The following ACSF2 variants were observed in gnomAD, a reference collection of about 807,000 sequenced individuals.
ACSF2 encodes medium-chain acyl-CoA ligase ACSF2, mitochondrial.
Under a neutral mutation model 79.3 loss-of-function variants are expected in ACSF2, and 52 were observed. That is an observed-to-expected ratio of 0.66 (90% CI 0.53 to 0.83). The LOEUF (loss-of-function observed/expected upper bound fraction) is 0.83. Among genes scored for constraint, ACSF2 ranks in the 40% least tolerant of loss-of-function variants. The pLI, the probability that ACSF2 is intolerant of heterozygous loss-of-function variation, is 0.00. For synonymous variants in ACSF2, 283 were observed against 312.6 expected (o/e 0.91, Z 1.00); for missense variants, 661 against 803.3 (o/e 0.82, Z 2.14).
intron 2 of ACSF2, 103 bp downstream of exon 2, chr17:50,460,975 G>C (rs1436718947): frequency 2.2e-6 from 3 of 1,363,626 alleles, no homozygotes; most frequent in Non-Finnish European, 3.0e-6. Flanking sequence ...GGGGCAATGT[G>C]CTAGGGCTGC....
At chr17:50,452,350 G>A (rs1054071346) in intron 1 of ACSF2, among the ~76,000 whole-genome samples, 2 of 152,126 alleles carry the variant, frequency 1.3e-5, no homozygotes, top group Non-Finnish European at 2.9e-5. Flanking sequence ...GGGGCACCGT[G>A]GCTCATACCT....
At chr17:50,433,299 G>A (rs1452459434) in intron 1 of ACSF2, among the ~76,000 whole-genome samples, 1 of 151,860 alleles carries the variant, frequency 6.6e-6, no homozygotes, top group Non-Finnish European at 1.5e-5. Context: ...TGGAGATGGG[G>A]TTTCACTATG....
chr17:50,468,058 G>T (rs1457219668), intron 10 of ACSF2: 1 of 1,597,978 alleles, frequency 6.3e-7, no homozygotes, highest in East Asian at 2.2e-5. Context: ...GGTTGGTGTT[G>T]TCCAGCCAGA....
intron 1 of ACSF2, among the ~76,000 whole-genome samples, chr17:50,453,045 A>T (rs1192097217): frequency 6.6e-6 from 1 of 151,960 alleles, no homozygotes; most frequent in Non-Finnish European, 1.5e-5. Flanking sequence ...CCCAGATCTG[A>T]GGGTGGGGCA....
At chr17:50,441,350 T>C (rs1012290400) in intron 1 of ACSF2, among the ~76,000 whole-genome samples, 2 of 152,156 alleles carry the variant, frequency 1.3e-5, no homozygotes, top group East Asian at 3.9e-4. Context: ...TTTTTTGGTG[T>C]TTTTTGTAGG....
intron 1 of ACSF2, among the ~76,000 whole-genome samples, chr17:50,459,774 A>G (rs17641254): frequency 0.58 from 88,683 of 151,922 alleles, 27,045 homozygotes; most frequent in African/African-American, 0.73. Flanking sequence ...TGTGCACTGA[A>G]ATGGATAGGT....
At chr17:50,453,923 G>A (rs1279692873) in intron 1 of ACSF2, among the ~76,000 whole-genome samples, 1 of 151,594 alleles carries the variant, frequency 6.6e-6, no homozygotes, top group Non-Finnish European at 1.5e-5. Flanking sequence ...AGGAGTACAG[G>A]TGCATGCTAC....
At chr17:50,467,026 A>G (rs888777376) in intron 10 of ACSF2, among the ~76,000 whole-genome samples, 3 of 152,118 alleles carry the variant, frequency 2.0e-5, no homozygotes, top group Non-Finnish European at 4.4e-5. Flanking sequence ...TGTGGCCCAC[A>G]TTGAGGTATG....
intron 1 of ACSF2, among the ~76,000 whole-genome samples, chr17:50,433,688 G>A (rs994677165): frequency 6.6e-6 from 1 of 152,044 alleles, no homozygotes; most frequent in African/African-American, 2.4e-5. Flanking sequence ...GCGTGATCAC[G>A]GCTCACTGTA....
Position 50,471,158 on chromosome 17 carries a change from A to C in ACSF2, c.1323+23A>C. ...GAGGTGAGCCCCTGACCAAGACTCC[A>C]AAGTCCCACCTCCCGTCACCCAGCT... On this transcript the variant is annotated intron_variant, in intron 11 of 15. Coordinates refer to ENST00000300441, the MANE Select transcript of ACSF2 (RefSeq NM_025149.6). This position sits in a 1 kb window ranked among gnomAD's most constrained non-coding sequence, Gnocchi z 4.1. 6.2e-7 allele frequency: 1 copy of C among 1,603,482 alleles called. No homozygotes were observed. The highest frequency in any genetic ancestry group is 8.5e-7 in the Non-Finnish European group (1 of 1,170,462).
chr17:50,466,311 G>T (rs540075409), intron 10 of ACSF2, among the ~76,000 whole-genome samples: 10 of 151,814 alleles, frequency 6.6e-5, no homozygotes, highest in Non-Finnish European at 1.5e-4. Flanking sequence ...GGATGGTCTC[G>T]ATCTCCTGAC....
At chr17:50,468,956 G>T (rs1475341915) in intron 10 of ACSF2, 2 of 1,401,946 alleles carry the variant, frequency 1.4e-6, no homozygotes, top group African/African-American at 3.0e-5. Flanking sequence ...CCTACGTGGA[G>T]CATCGAGGCC....
At chr17:50,472,237 C>G (rs959819779) in intron 11 of ACSF2, 191 bp from the exon 12 acceptor site, 1 of 598,806 alleles carries the variant, frequency 1.7e-6, no homozygotes, top group African/African-American at 1.9e-5. Flanking sequence ...CAGCTCAGGT[C>G]TCTCACTGGC....
At chr17:50,457,046 C>T (rs1443277944) in intron 1 of ACSF2, among the ~76,000 whole-genome samples, 8 of 151,692 alleles carry the variant, frequency 5.3e-5, no homozygotes, top group Admixed American at 4.6e-4. Context: ...GCCCAGTTGA[C>T]AGAGTGAGAT....
intron 3 of ACSF2, 48 bp from the exon 4 acceptor site, chr17:50,461,585 G>A: frequency 6.2e-7 from 1 of 1,613,094 alleles, no homozygotes. Flanking sequence ...GCAGCAGGAG[G>A]GACAGGGTCT....
At chr17:50,466,091 C>CT (rs1345682475) in intron 10 of ACSF2, among the ~76,000 whole-genome samples, 4,164 of 120,118 alleles carry the variant, frequency 0.035, 310 homozygotes, top group African/African-American at 0.12. Context: ...TTTTTTTTTC[C>CT]TTTTTTTTTT....
At chr17:50,461,780 G>C in intron 4 of ACSF2, 94 bp downstream of exon 4, 1 of 1,474,540 alleles carries the variant, frequency 6.8e-7, no homozygotes, top group Non-Finnish European at 9.5e-7. Context: ...GTGAGCTAGG[G>C]CATGCATAGG....
At chr17:50,461,723 C>T in intron 4 of ACSF2, 37 bp downstream of exon 4, 1 of 1,612,508 alleles carries the variant, frequency 6.2e-7, no homozygotes, top group Non-Finnish European at 8.5e-7. Flanking sequence ...CCGGCTGGGG[C>T]CTGGCACAGG....
chr17:50,461,136 C>T, intron 2 of ACSF2, 106 bp from the exon 3 acceptor site: 2 of 1,525,474 alleles, frequency 1.3e-6, no homozygotes, highest in Non-Finnish European at 1.8e-6. Flanking sequence ...GTCCCTTTGT[C>T]CCCAGTGACT....
Sources: allele counts gnomAD v4.1 joint callset (sites outside exome capture counted in the v4.1 genomes callset), GRCh38; gene constraint gnomAD v4.1.1; non-coding constraint Gnocchi (gnomAD v3.1); transcripts MANE v1.5; gene names NCBI Gene and HGNC (gene_info 2026-07-23, HGNC 2026-07-21).